The following NAV3 variants were observed in gnomAD, a reference collection of about 807,000 sequenced individuals.
NAV3 encodes the protein neuron navigator 3.
In NAV3, 87 loss-of-function variants were observed where a neutral mutation model predicts 244.7. The ratio of observed to expected loss-of-function variants is 0.36; its 90% confidence interval spans 0.30 to 0.42. The LOEUF (loss-of-function observed/expected upper bound fraction) is 0.42, where lower values mean the gene tolerates loss of function less well. NAV3 is among the 20% of genes least tolerant of loss of function. The pLI is 1.00. For synonymous variants in NAV3, 1,126 were observed against 1,042.2 expected (o/e 1.08, Z -1.55); for missense variants, 2,663 against 2,893.3 (o/e 0.92, Z 1.83).
At chr12:78,197,542 G>C in intron 35 of NAV3, 141 bp downstream of exon 35, 1 of 560,022 alleles carries the variant, frequency 1.8e-6, no homozygotes. Flanking sequence ...TGTACATATT[G>C]ATTGTGTACA....
At chr12:77,678,384 T>C (rs1874301628) in intron 2 of NAV3, among the ~76,000 whole-genome samples, 1 of 152,226 alleles carries the variant, frequency 6.6e-6, no homozygotes, top group African/African-American at 2.4e-5. Flanking sequence ...CGTATTTTAA[T>C]GGAAATTATT....
At chr12:78,105,736 T>G (rs1954769158) in intron 12 of NAV3, among the ~76,000 whole-genome samples, 1 of 152,008 alleles carries the variant, frequency 6.6e-6, no homozygotes, top group Admixed American at 6.5e-5. Flanking sequence ...AAAAGGTTTC[T>G]TCATCAAGTT....
intron 12 of NAV3, among the ~76,000 whole-genome samples, chr12:78,098,256 A>T (rs1311872177): frequency 6.6e-6 from 1 of 152,074 alleles, no homozygotes; most frequent in East Asian, 1.9e-4. Flanking sequence ...AAAAATTTAA[A>T]TATAAAAATG....
rs1004581620 is a variant in NAV3 at position 77,666,186 on chromosome 12, T to G, written c.72+93920T>G. 6.7e-5 allele frequency among the ~76,000 whole-genome samples: 10 copies of G among 150,180 alleles called. No homozygotes were observed. The East Asian group carries it at 1.2e-3, about 17-fold the overall frequency. On this transcript the variant is annotated intron_variant, in intron 2 of 8. Transcript: ENST00000550042. Reference sequence around the variant, plus strand: ...AATAGCAACATGTTTACAGTTTTTTTTTTTTTTTTTTTGTCTAGTCAGGGG... The same window carrying G: ...AATAGCAACATGTTTACAGTTTTTTGTTTTTTTTTTTTGTCTAGTCAGGGG...
intron 1 of NAV3, among the ~76,000 whole-genome samples, chr12:77,893,000 T>G (rs1181208374): frequency 1.3e-5 from 2 of 152,172 alleles, no homozygotes; most frequent in South Asian, 2.1e-4. Context: ...ATTCCTTCTG[T>G]GCCATTGAGT....
chr12:78,136,727 G>GT (rs1956388971), intron 18 of NAV3, among the ~76,000 whole-genome samples: 1 of 152,146 alleles, frequency 6.6e-6, no homozygotes, highest in African/African-American at 2.4e-5. Context: ...GTGACTGAGA[G>GT]TATTTGCCTG....
At chr12:77,999,951 C>A (rs758588622) in intron 7 of NAV3, among the ~76,000 whole-genome samples, 1 of 152,062 alleles carries the variant, frequency 6.6e-6, no homozygotes, top group South Asian at 2.1e-4. Flanking sequence ...TTAAGCAACA[C>A]GATACCACCG....
intron 2 of NAV3, among the ~76,000 whole-genome samples, chr12:77,585,267 A>G (rs1869547454): frequency 6.6e-6 from 1 of 152,170 alleles, no homozygotes; most frequent in Non-Finnish European, 1.5e-5. Context: ...CCTCCAAGGT[A>G]TCAGCTGGCA....
chr12:77,691,337 G>GTA lies in NAV3; in HGVS notation c.72+119088_72+119089dup, dbSNP rs1182535904. ...CATATATAAGTATTTGTGTATGTGT[G>GTA]TATATATATATATATATACATATCC... On this transcript the variant is annotated intron_variant, in intron 2 of 8. Transcript: ENST00000550042. Among the ~76,000 whole-genome samples, 134 of 104,260 alleles carry GTA rather than the reference G, an allele frequency of 1.3e-3. 2 individuals carry two copies. Among genetic ancestry groups the GTA allele is most frequent in the African/African-American group, 4.2e-3 (122 of 28,770 alleles). The allele number at this position is 104,260 out of a possible 152,430, so 68.4% of individuals were successfully genotyped here.
At chr12:77,974,792 C>T (rs949285952) in intron 5 of NAV3, among the ~76,000 whole-genome samples, 9 of 152,152 alleles carry the variant, frequency 5.9e-5, no homozygotes, top group Non-Finnish European at 1.0e-4. Flanking sequence ...TCAACTTTCT[C>T]ATAAGGGTTT....
intron 9 of NAV3, among the ~76,000 whole-genome samples, chr12:78,046,921 T>G (rs1448838635): frequency 6.6e-6 from 1 of 152,196 alleles, no homozygotes; most frequent in Non-Finnish European, 1.5e-5. Flanking sequence ...GCTTCTGTTT[T>G]GGGTGCATAT....
intron 34 of NAV3, among the ~76,000 whole-genome samples, chr12:78,195,632 T>C (rs1288714220): frequency 1.3e-5 from 2 of 152,010 alleles, no homozygotes; most frequent in Non-Finnish European, 2.9e-5. Flanking sequence ...ATAGGCCACA[T>C]GCCTCCTTTA....
chr12:77,972,953 A>G (rs1232360042), intron 5 of NAV3, among the ~76,000 whole-genome samples: 1 of 152,120 alleles, frequency 6.6e-6, no homozygotes, highest in Non-Finnish European at 1.5e-5. Context: ...AAATGAATGC[A>G]TGATTTTCCT....
At chr12:77,878,886 T>C (rs1479514437) in intron 1 of NAV3, among the ~76,000 whole-genome samples, 1 of 152,154 alleles carries the variant, frequency 6.6e-6, no homozygotes, top group Non-Finnish European at 1.5e-5. Flanking sequence ...ATAGCTGAAA[T>C]AAACTAATCT....
At chr12:77,820,229 T>A (rs770711813) in intron 2 of NAV3, among the ~76,000 whole-genome samples, 1 of 152,172 alleles carries the variant, frequency 6.6e-6, no homozygotes, top group Admixed American at 6.6e-5. Flanking sequence ...TTTCTGAATC[T>A]AATGTATTAG....
chr12:77,638,548 C>T (rs144202735), intron 2 of NAV3, among the ~76,000 whole-genome samples: 80 of 152,314 alleles, frequency 5.3e-4, no homozygotes, highest in African/African-American at 1.5e-3. Flanking sequence ...TCAGAAAATC[C>T]TACAGACTTA....
At chr12:78,188,469 T>C in intron 32 of NAV3, 126 bp downstream of exon 32, 3 of 1,156,260 alleles carry the variant, frequency 2.6e-6, no homozygotes, top group Non-Finnish European at 3.7e-6. Flanking sequence ...TTTCTGTTTG[T>C]GCTATTTGAT....
intron 2 of NAV3, among the ~76,000 whole-genome samples, chr12:77,603,269 G>A (rs142812061): frequency 2.6e-3 from 400 of 152,186 alleles, no homozygotes; most frequent in Non-Finnish European, 3.9e-3. Context: ...TAAAGAGAGA[G>A]CAAATAAGGT....
intron 2 of NAV3, among the ~76,000 whole-genome samples, chr12:77,684,069 A>G (rs1874600865): frequency 6.6e-6 from 1 of 151,836 alleles, no homozygotes; most frequent in Non-Finnish European, 1.5e-5. Flanking sequence ...TATCTGAGTG[A>G]TCCCAGTGAT....
Sources: gnomAD v4.1 joint callset for allele counts (sites outside exome capture counted in the v4.1 genomes callset) on GRCh38, gnomAD v4.1.1 for gene constraint, MANE v1.5 for transcripts, NCBI Gene and HGNC (gene_info 2026-07-23, HGNC 2026-07-21) for gene names.